The following ATP13A1 variants were observed in gnomAD, a reference collection of about 807,000 sequenced individuals.
ATP13A1 encodes ATPase 13A1, also known as endoplasmic reticulum transmembrane helix translocase.
A neutral mutation model predicts 134.8 loss-of-function variants in ATP13A1; 55 were observed. The ratio of observed to expected loss-of-function variants is 0.41; its 90% CI spans 0.33 to 0.51. The LOEUF (loss-of-function observed/expected upper bound fraction) is 0.51, where lower values mean the gene tolerates loss of function less well. Among genes scored for constraint, ATP13A1 ranks in the 20% least tolerant of loss-of-function variants. ATP13A1 has a pLI of 0.29. For synonymous variants in ATP13A1, 775 were observed against 725.1 expected, an observed-to-expected ratio of 1.07 and a Z score of -1.10; for missense variants, 1,389 against 1,652.8, an observed-to-expected ratio of 0.84 and a Z score of 2.77.
In ATP13A1 at chr19:19,645,491, G is replaced by A; in HGVS notation, c.3546C>T (p.Cys1182=). The A allele has an allele frequency of 6.2e-7, 1 of 1,607,872 alleles. No individual in the cohort carries two copies. Among genetic ancestry groups the A allele is most frequent in the East Asian group, 2.2e-5 (1 of 44,616 alleles). ...VIAQVLLLDF[C]LALLADRVLQ... ...GGACGCGGTCGGCCAGGAGCGCCAG[G>A]CAGAAGTCCAGGAGCAGGACCTGGG... Residue 1182 remains cysteine (C), a synonymous_variant, in exon 26 of 26, where the codon TGC becomes TGT. Transcript: ENST00000357324. The surrounding 1 kb of genome is among the most constrained non-coding windows in gnomAD (Gnocchi z 4.1).
At chr19:19,662,804 G>C (rs2062102461) in intron 1 of ATP13A1, among the ~76,000 whole-genome samples, 1 of 152,152 alleles carries the variant, frequency 6.6e-6, no homozygotes, top group Admixed American at 6.5e-5. Flanking sequence ...GCAAGACTTG[G>C]TTCAGTCTAA....
Position 19,659,998 on chromosome 19 carries a change from C to T in ATP13A1, c.397-11G>A. On this transcript the variant is annotated splice_polypyrimidine_tract_variant and intron_variant, in intron 1 of 25. Transcript: ENST00000357324. The stretch of plus-strand genomic sequence containing the variant: ...GCTGGGGTCGTACTCCTGACAGAGA[C>T]AAAGAAAGCATTGTGGCTTAGCTCT... 6.4e-7 allele frequency: 1 copy of T among 1,554,828 alleles called. No homozygotes were observed. Among genetic ancestry groups the T allele is most frequent in the Non-Finnish European group, 8.7e-7 (1 of 1,151,254 alleles).
At chr19:19,657,994 T>A (rs1012277087) in intron 3 of ATP13A1, among the ~76,000 whole-genome samples, 1 of 151,298 alleles carries the variant, frequency 6.6e-6, no homozygotes, top group East Asian at 1.9e-4. Flanking sequence ...ACAAAAAATT[T>A]AAAAATTAGC....
chr19:19,653,668 G>A lies in ATP13A1; in HGVS notation c.2100+116C>T, dbSNP rs958328225. The A allele has an allele frequency of 1.2e-5, 12 of 989,026 alleles. No individual in the cohort carries two copies. Among genetic ancestry groups the A allele is most frequent in the Non-Finnish European group, 1.8e-5 (12 of 677,658 alleles). The allele number at this position is 989,026 out of a possible 1,614,324, so 61.3% of individuals were successfully genotyped here. A position where few individuals can be genotyped will look rare whatever the true frequency, so the allele number is the denominator to read the frequency against. On this transcript the variant is annotated intron_variant, in intron 15 of 25. Coordinates refer to ENST00000357324, the MANE Select transcript of ATP13A1 (RefSeq NM_020410.3). This position sits in a 1 kb window ranked among gnomAD's most constrained non-coding sequence, Gnocchi z 4.2. The stretch of plus-strand genomic sequence containing the variant: ...TCCAAAGGTAGAAGCTGGAGGCGGG[G>A]CAAGGAGGACAAAATCACAACCATT...
In ATP13A1 at chr19:19,649,938, G is replaced by A. The variant is rs779024944; in HGVS notation, c.2338C>T (p.Arg780Trp). Residue 780 changes from arginine (R) to tryptophan (W), a missense_variant and splice_region_variant, in exon 18 of 26, where the codon CGG becomes TGG. Coordinates refer to ENST00000357324, the MANE Select transcript of ATP13A1 (RefSeq NM_020410.3). ...LILQPPSEKG[R>W]QCEWRSIDGS... Reference sequence around the variant, plus strand: ...TCAATGGAGCGCCACTCGCACTGCCGGCCTGCGGGCAGCACCTAGGGTTAG... The same window carrying A: ...TCAATGGAGCGCCACTCGCACTGCCAGCCTGCGGGCAGCACCTAGGGTTAG... 26 of 1,587,176 alleles carry A rather than the reference G, an allele frequency of 1.6e-5. No individual in the cohort carries two copies. The highest frequency in any genetic ancestry group is 5.2e-5 in the Admixed American group (3 of 57,974).
chr19:19,657,415 G>A lies in ATP13A1; in HGVS notation c.678-7C>T, dbSNP rs1313390850. The A allele has an allele frequency of 6.4e-7, 1 of 1,562,280 alleles. No individual in the cohort carries two copies. ...AGGCACCACCATCTCGGCCCTGCAA[G>A]AGACCAGGCCCCATCCTGTTCCCAG... On this transcript the variant is annotated splice_polypyrimidine_tract_variant and splice_region_variant and intron_variant, in intron 3 of 25. Coordinates refer to ENST00000357324, the MANE Select transcript of ATP13A1 (RefSeq NM_020410.3).
At chr19:19,651,590 G>A in intron 17 of ATP13A1, 99 bp downstream of exon 17, 3 of 891,582 alleles carry the variant, frequency 3.4e-6, no homozygotes, top group Non-Finnish European at 5.1e-6. Flanking sequence ...TGAAGACACT[G>A]TGCTGCTGAG....
rs532862344 is a variant in ATP13A1, at chr19:19,656,952, C to A, written c.907-36G>T. On this transcript the variant is annotated intron_variant, in intron 5 of 25. Coordinates refer to ENST00000357324, the MANE Select transcript of ATP13A1 (RefSeq NM_020410.3). This position sits in a 1 kb window ranked among gnomAD's most constrained non-coding sequence, Gnocchi z 4.6. ...CATGGGTGTCAGCACAGAAGCCGCA[C>A]CTGTGCTGCACCCCCAACCTGGGTC... The A allele has an allele frequency of 6.2e-7, 1 of 1,605,306 alleles. No individual in the cohort carries two copies. The highest frequency in any genetic ancestry group is 2.3e-5 in the East Asian group (1 of 44,432).
At chr19:19,662,933 G>T (rs1656982300) in intron 1 of ATP13A1, 2 of 433,842 alleles carry the variant, frequency 4.6e-6, no homozygotes, top group Admixed American at 7.2e-5. Context: ...AACAAGAGTA[G>T]TCGCTAATAT....
intron 22 of ATP13A1, 91 bp from the exon 23 acceptor site, chr19:19,646,438 G>C (rs967751842): frequency 1.1e-5 from 16 of 1,476,390 alleles, no homozygotes; most frequent in African/African-American, 4.1e-5. Context: ...CCTGCCTCCC[G>C]GGAGACCTTG....
chr19:19,655,896 G>C lies in ATP13A1; in HGVS notation c.1251C>G (p.Thr417=), dbSNP rs142039002. Residue 417 remains threonine (T), a synonymous_variant, in exon 9 of 26, where the codon ACC becomes ACG. Transcript: ENST00000357324. The surrounding 1 kb of genome is among the most constrained non-coding windows in gnomAD (Gnocchi z 5.7). The part of the protein sequence containing the change: ...DSGCVAYVLR[T]GFNTSQGKLL... ...CCCGCACCTGGGATGTGTTGAATCC[G>C]GTCCGCAGGACGTAGGCCACGCACC... 21 of 1,593,110 alleles carry C rather than the reference G, an allele frequency of 1.3e-5. No homozygotes were observed. The highest frequency in any genetic ancestry group is 2.7e-5 in the African/African-American group (2 of 74,686).
rs551246667 is a variant in ATP13A1, at chr19:19,646,493, C to T, written c.3106-146G>A. On this transcript the variant is annotated intron_variant, in intron 22 of 25. Coordinates refer to ENST00000357324, the MANE Select transcript of ATP13A1 (RefSeq NM_020410.3). ...CCTGGGGGATTCCATGGGTCAGCAC[C>T]AGTCCCTGGATCCCTGCCTGCCTCT... 1.8e-5 allele frequency: 18 copies of T among 979,824 alleles called. No individual in the cohort carries two copies. In the African/African-American group the frequency reaches 2.9e-4, roughly 16 times the overall value. The allele number at this position is 979,824 out of a possible 1,614,324, so 60.7% of individuals were successfully genotyped here.
At position 19,657,171 on chromosome 19, in the gene ATP13A1, G is replaced by T; in HGVS notation, c.751-22C>A. The T allele has an allele frequency of 2.0e-6, 3 of 1,499,628 alleles. No homozygotes were observed. The Admixed American group carries it at 7.0e-5, about 35-fold the overall frequency. The allele number at this position is 1,499,628 out of a possible 1,614,324, so 92.9% of individuals were successfully genotyped here. ...ACACCTGTGGGATACCAGCCTGTCTGTCCTTGCCCTACCCGCCCTGTTCCC... is the reference window on the plus strand; with the variant it reads ...ACACCTGTGGGATACCAGCCTGTCTTTCCTTGCCCTACCCGCCCTGTTCCC... On this transcript the variant is annotated intron_variant, in intron 4 of 25. Transcript: ENST00000357324.
chr19:19,649,681 G>A lies in ATP13A1; in HGVS notation c.2536-18C>T. On this transcript the variant is annotated intron_variant, in intron 18 of 25. Transcript: ENST00000357324. ...ACAAACTCCTGTATGGGCGGAGACA[G>A]GCTGAGCAGGGGCTGCGTGCCTACC... The A allele has an allele frequency of 6.2e-7, 1 of 1,613,796 alleles. No individual in the cohort carries two copies. Among genetic ancestry groups the A allele is most frequent in the Non-Finnish European group, 8.5e-7 (1 of 1,179,806 alleles).
chr19:19,649,957 G>GTA lies in ATP13A1; in HGVS notation c.2336-18_2336-17insTA, dbSNP rs1344439772. 2 of 1,571,092 alleles carry GTA rather than the reference G, an allele frequency of 1.3e-6. No individual in the cohort carries two copies. The highest frequency in any genetic ancestry group is 2.7e-5 in the African/African-American group (2 of 74,310). On this transcript the variant is annotated splice_polypyrimidine_tract_variant and intron_variant, in intron 17 of 25. Transcript: ENST00000357324. ...ACTGCCGGCCTGCGGGCAGCACCTAGGGTTAGGGCTGGGGGCTTGGCTGAC... is the reference window on the plus strand; with the variant it reads ...ACTGCCGGCCTGCGGGCAGCACCTAGTAGGTTAGGGCTGGGGGCTTGGCTGAC...
rs767885866 is a variant in ATP13A1, at chr19:19,645,536, TC to T, written c.3505-5del. ...CCTGGGCAATGACCAGCTTGAACTGTCGGGGCAGGGAGGGATGGTGAGCTGG... is the reference window on the plus strand; with the variant it reads ...CCTGGGCAATGACCAGCTTGAACTGTGGGGCAGGGAGGGATGGTGAGCTGG... On this transcript the variant is annotated splice_polypyrimidine_tract_variant and splice_region_variant and intron_variant, in intron 25 of 25. Coordinates refer to ENST00000357324, the MANE Select transcript of ATP13A1 (RefSeq NM_020410.3). The surrounding 1 kb of genome is among the most constrained non-coding windows in gnomAD (Gnocchi z 4.1). 1.3e-5 allele frequency: 20 copies of T among 1,593,152 alleles called. No homozygotes were observed. In the African/African-American group the frequency reaches 2.5e-4, roughly 20 times the overall value.
In ATP13A1 at chr19:19,647,461, G is replaced by A. The variant is rs1294051277; in HGVS notation, c.2861C>T (p.Ala954Val). 1 of 1,613,408 alleles carries A rather than the reference G, an allele frequency of 6.2e-7. No individual in the cohort carries two copies. The highest frequency in any genetic ancestry group is 8.5e-7 in the Non-Finnish European group (1 of 1,179,654). The change falls in exon 21 of 26, where the codon GCC becomes GTC. Residue 954 changes from alanine to valine, a missense_variant. Physicochemically the swap from Ala to Val is moderately conservative, Grantham distance 64. Around this residue, in one of 4 missense-constraint regions of ATP13A1, gnomAD observed 121 missense variants for 104.9 expected, o/e 1.15. Coordinates refer to ENST00000357324, the MANE Select transcript of ATP13A1 (RefSeq NM_020410.3). This position sits in a 1 kb window ranked among gnomAD's most constrained non-coding sequence, Gnocchi z 4.8. ...GGAGGTGAAGGGTGCTGCGATGCTG[G>A]CATCCCCCAGTTTCACAATGGGCGT... ...ESTPIVKLGD[A>V]SIAAPFTSKL... is the part of the protein sequence containing the mutation.
At position 19,647,702 on chromosome 19, in the gene ATP13A1, C is replaced by T. The variant is rs1428334513; in HGVS notation, c.2690G>A (p.Arg897Gln). The T allele has an allele frequency of 5.6e-6, 9 of 1,610,320 alleles. No homozygotes were observed. Among genetic ancestry groups the T allele is most frequent in the Middle Eastern group, 1.7e-4 (1 of 5,742 alleles). Residue 897 changes from arginine (R) to glutamine (Q), a missense_variant, in exon 20 of 26, where the codon CGG (arginine) becomes CAG (glutamine). Coordinates refer to ENST00000357324, the MANE Select transcript of ATP13A1 (RefSeq NM_020410.3). The surrounding 1 kb of genome is among the most constrained non-coding windows in gnomAD (Gnocchi z 4.8). ...ACTGTTGCTCAGGGTTGGGCTGTCC[C>T]GGGGCCGCCGTCGCCGCTCGACAAC... ...ERVVERRRRP[R>Q]DSPTLSNSGI...
rs772798829 is a variant in ATP13A1 at position 19,663,201 on chromosome 19, G to A, written c.396+70C>T. On this transcript the variant is annotated intron_variant, in intron 1 of 25. Transcript: ENST00000357324. Reference sequence around the variant, plus strand: ...CCCAGGTCGCGATGGTGACCGACAGGAAGGCCGCAGCTGGGACCCACGGCG... The same window carrying A: ...CCCAGGTCGCGATGGTGACCGACAGAAAGGCCGCAGCTGGGACCCACGGCG... The A allele has an allele frequency of 1.9e-5, 30 of 1,548,288 alleles. 2 individuals are homozygous for A. In the South Asian group the frequency reaches 3.2e-4, roughly 17 times the overall value.
Sources: allele counts gnomAD v4.1 joint callset (sites outside exome capture counted in the v4.1 genomes callset), GRCh38; gene constraint gnomAD v4.1.1; regional missense constraint gnomAD v4.1.1; non-coding constraint Gnocchi (gnomAD v3.1); transcripts MANE v1.5; gene names NCBI Gene and HGNC (gene_info 2026-07-23, HGNC 2026-07-21).